EDAR: variants seen among roughly 807,000 people sequenced by gnomAD.
EDAR encodes the protein ectodysplasin A receptor, also known as tumor necrosis factor receptor superfamily member EDAR.
In EDAR, 38 loss-of-function variants were observed where a neutral mutation model predicts 51.3. The observed-to-expected ratio is 0.74, with a 90% CI of 0.57 to 0.97. The LOEUF is 0.97. Ranked by LOEUF, EDAR falls within the 50% of genes least tolerant of loss-of-function variation. The pLI is 0.00. For synonymous variants in EDAR, 227 were observed against 242.1 expected (o/e 0.94, Z 0.58); for missense variants, 528 against 595.0 (o/e 0.89, Z 1.17).
intron 1 of EDAR, among the ~76,000 whole-genome samples, chr2:108,934,745 A>T (rs1697434220): frequency 6.6e-6 from 1 of 152,224 alleles, no homozygotes; most frequent in South Asian, 2.1e-4. Context: ...TCCCGCGATG[A>T]TGACATTAAG....
At chr2:108,966,877 G>C (rs1251798468) in intron 1 of EDAR, among the ~76,000 whole-genome samples, 1 of 152,220 alleles carries the variant, frequency 6.6e-6, no homozygotes, top group Non-Finnish European at 1.5e-5. Flanking sequence ...AAGTGAAAGG[G>C]AGACAGAGAG....
intron 1 of EDAR, among the ~76,000 whole-genome samples, chr2:108,947,125 T>C (rs1697728866): frequency 6.6e-6 from 1 of 152,208 alleles, no homozygotes; most frequent in Non-Finnish European, 1.5e-5. Context: ...AAAGGGGCCA[T>C]AGGCCCCATG....
chr2:108,946,099 C>T, intron 1 of EDAR, among the ~76,000 whole-genome samples: 1 of 152,174 alleles, frequency 6.6e-6, no homozygotes. Context: ...CTGGTGACTC[C>T]AAGGACACAC....
At chr2:108,955,391 C>T (rs1304054951) in intron 1 of EDAR, among the ~76,000 whole-genome samples, 1 of 152,112 alleles carries the variant, frequency 6.6e-6, no homozygotes, top group Non-Finnish European at 1.5e-5. Context: ...AATCATAACC[C>T]ATTAATTTTG....
chr2:108,950,892 C>G (rs924303500), intron 1 of EDAR, among the ~76,000 whole-genome samples: 4 of 152,228 alleles, frequency 2.6e-5, no homozygotes, highest in Non-Finnish European at 4.4e-5. Flanking sequence ...TCCACATTAA[C>G]CAGGCCCCCA....
intron 10 of EDAR, 84 bp downstream of exon 10, chr2:108,907,776 G>T: frequency 1.3e-6 from 2 of 1,519,254 alleles, no homozygotes; most frequent in Non-Finnish European, 9.1e-7. Flanking sequence ...TTGCAGGAGA[G>T]CTGATTCAAT....
chr2:108,933,794 G>A (rs1033727271), intron 1 of EDAR, among the ~76,000 whole-genome samples: 33 of 152,130 alleles, frequency 2.2e-4, no homozygotes, highest in Admixed American at 2.1e-3. Context: ...AGGCAAGGGC[G>A]ACCTGCAGCC....
intron 11 of EDAR, among the ~76,000 whole-genome samples, chr2:108,900,165 A>G (rs1696671742): frequency 2.0e-5 from 3 of 152,242 alleles, no homozygotes; most frequent in Non-Finnish European, 4.4e-5. Flanking sequence ...GAATAAAAAA[A>G]CACAGAAATG....
At chr2:108,962,952 A>T (rs969672028) in intron 1 of EDAR, among the ~76,000 whole-genome samples, 3 of 152,302 alleles carry the variant, frequency 2.0e-5, no homozygotes, top group African/African-American at 7.2e-5. Context: ...AGCTACAGAG[A>T]TGCCAAGGAC....
chr2:108,918,705 T>C (rs1028677434), intron 5 of EDAR, among the ~76,000 whole-genome samples: 5 of 152,166 alleles, frequency 3.3e-5, no homozygotes, highest in Admixed American at 2.6e-4. Flanking sequence ...CAGAAGCACA[T>C]GGCTGGAGGG....
intron 1 of EDAR, among the ~76,000 whole-genome samples, chr2:108,932,283 CTTT>C (rs1558816347): frequency 6.6e-6 from 1 of 152,014 alleles, no homozygotes; most frequent in South Asian, 2.1e-4. Context: ...AATCCCAGCA[CTTT>C]GGGAGGCTGA....
chr2:108,972,112 C>T (rs62151136), intron 1 of EDAR, among the ~76,000 whole-genome samples: 2 of 152,244 alleles, frequency 1.3e-5, no homozygotes, highest in African/African-American at 4.8e-5. Context: ...AACCACCCAG[C>T]GGAGCCGCTC....
chr2:108,929,196 A>C lies in EDAR; in HGVS notation c.356+2T>G, dbSNP rs1697317156. 1.9e-6 allele frequency: 3 copies of C among 1,613,864 alleles called. No individual in the cohort carries two copies. The African/African-American group carries it at 4.0e-5, about 22-fold the overall frequency. ...GGGTTTGCCAGGAGGGCCTGTGCTT[A>C]CCCAGGGAGGCAAGGGCCACACTCA... On this transcript the variant is annotated splice_donor_variant, in intron 4 of 11. Transcript: ENST00000258443. LOFTEE classifies it high-confidence loss of function.
In EDAR at chr2:108,968,044, A is replaced by G. The variant is rs202106241; in HGVS notation, c.-19+20916T>C. On this transcript the variant is annotated intron_variant, in intron 1 of 11. Transcript: ENST00000258443. ...GTTATTGAGCATAGGACATGCGCCC[A>G]CTGTCCCAAGAATGCCTCAGTCCCA... Among the ~76,000 whole-genome samples, 12 of 152,296 alleles carry G rather than the reference A, an allele frequency of 7.9e-5. No individual in the cohort carries two copies. The East Asian group carries it at 2.3e-3, about 29-fold the overall frequency.
chr2:108,937,703 GTGTA>G (rs1473461376), intron 1 of EDAR, among the ~76,000 whole-genome samples: 41 of 149,398 alleles, frequency 2.7e-4, no homozygotes, highest in Admixed American at 2.6e-3. Context: ...ATGTGTGTGA[GTGTA>G]TGTGTGTGTA....
chr2:108,927,475 A>C (rs1430470787), intron 4 of EDAR, among the ~76,000 whole-genome samples: 2 of 152,240 alleles, frequency 1.3e-5, no homozygotes, highest in African/African-American at 4.8e-5. Context: ...TAAATGTATC[A>C]GAACCAAGCA....
intron 4 of EDAR, among the ~76,000 whole-genome samples, chr2:108,923,783 G>A (rs1205851978): frequency 2.0e-5 from 3 of 152,224 alleles, no homozygotes; most frequent in Non-Finnish European, 2.9e-5. Flanking sequence ...CACATGTAGG[G>A]CCTGCTTAGC....
Position 108,973,413 on chromosome 2 carries a change from T to A in EDAR, c.-19+15547A>T, listed in dbSNP as rs1698269423. 2.0e-5 allele frequency among the ~76,000 whole-genome samples: 3 copies of A among 152,226 alleles called. No individual in the cohort carries two copies. The East Asian group carries it at 5.8e-4, about 29-fold the overall frequency. ...GTGTCCGCCATCAGCCCCTGAGACC[T>A]GGGAGGTCTGGGCTCAGTGCAGTGC... On this transcript the variant is annotated intron_variant, in intron 1 of 11. Transcript: ENST00000258443.
chr2:108,907,208 G>A (rs1162527955), intron 10 of EDAR, among the ~76,000 whole-genome samples: 1 of 152,220 alleles, frequency 6.6e-6, no homozygotes, highest in Non-Finnish European at 1.5e-5. Flanking sequence ...AAAACGTTGT[G>A]TGTGTGTGTG....
Sources: gnomAD v4.1 joint callset for allele counts (sites outside exome capture counted in the v4.1 genomes callset) on GRCh38, gnomAD v4.1.1 for gene constraint, MANE v1.5 for transcripts, NCBI Gene and HGNC (gene_info 2026-07-23, HGNC 2026-07-21) for gene names.